The following BICRA variants were observed in gnomAD, a reference collection of about 807,000 sequenced individuals.
BICRA encodes BRD4-interacting chromatin-remodeling complex-associated protein.
A neutral mutation model predicts 96.9 loss-of-function variants in BICRA; 31 were observed. The ratio of observed to expected loss-of-function variants is 0.32; its 90% CI spans 0.24 to 0.43. The LOEUF is 0.43. Among genes scored for constraint, BICRA ranks in the 20% least tolerant of loss-of-function variants. The pLI is 1.00. For missense variants in BICRA, 2,283 were observed against 2,190.3 expected, an observed-to-expected ratio of 1.04 and a Z score of -0.84; for synonymous variants, 1,350 against 1,071.8, an observed-to-expected ratio of 1.26 and a Z score of -5.07.
intron 1 of BICRA, among the ~76,000 whole-genome samples, chr19:47,667,499 C>T (rs1599835942): frequency 6.6e-6 from 1 of 152,130 alleles, no homozygotes. Flanking sequence ...GCTTGGGCCA[C>T]GCCTACCAGA....
chr19:47,634,687 C>T (rs532686890), intron 1 of BICRA, among the ~76,000 whole-genome samples: 3 of 152,120 alleles, frequency 2.0e-5, no homozygotes, highest in East Asian at 1.9e-4. Context: ...ATGGCAGCTC[C>T]GAGCTCCCAC....
At chr19:47,624,992 C>CTTTTTTTTTT (rs35273886) in intron 1 of BICRA, among the ~76,000 whole-genome samples, 1 of 57,910 alleles carries the variant, frequency 1.7e-5, no homozygotes. Flanking sequence ...CTGCACCTGG[C>CTTTTTTTTTT]TTTTTTTTTT....
chr19:47,689,175 G>A (rs1222450908), intron 7 of BICRA, among the ~76,000 whole-genome samples: 1 of 151,890 alleles, frequency 6.6e-6, no homozygotes, highest in African/African-American at 2.4e-5. Flanking sequence ...TAATATTTTG[G>A]TATGAAGTTT....
At chr19:47,659,682 GCATACACA>G (rs1972673841) in intron 1 of BICRA, among the ~76,000 whole-genome samples, 1 of 111,088 alleles carries the variant, frequency 9.0e-6, no homozygotes, top group Non-Finnish European at 1.9e-5. Context: ...ACATGGTGGT[GCATACACA>G]CACACACACA....
chr19:47,694,204 G>GGCCAGCCC lies in BICRA; in HGVS notation c.2373_2374insGCCAGCCC (p.Pro792AlafsTer53). Reference sequence around the variant, plus strand: ...CCCCTCTGGGGGACAGCCCCCACCTGCCCTCCCCACACCCCACCCGGCCCC... The same window carrying GGCCAGCCC: ...CCCCTCTGGGGGACAGCCCCCACCTGGCCAGCCCCCCTCCCCACACCCCACCCGGCCCC... On this transcript the variant is annotated frameshift_variant, in exon 8 of 15. Transcript: ENST00000594866. LOFTEE classifies it high-confidence loss of function. 1 of 1,119,702 alleles carries GGCCAGCCC rather than the reference G, an allele frequency of 8.9e-7. No individual in the cohort carries two copies. Among genetic ancestry groups the GGCCAGCCC allele is most frequent in the Non-Finnish European group, 1.1e-6 (1 of 884,586 alleles). 69.4% of individuals were successfully genotyped at this position (1,119,702 alleles called of 1,614,324 possible). A position where few individuals can be genotyped will look rare whatever the true frequency, so the allele number is the denominator to read the frequency against.
chr19:47,611,032 C>G (rs987966481), intron 1 of BICRA, among the ~76,000 whole-genome samples: 1 of 152,134 alleles, frequency 6.6e-6, no homozygotes, highest in Non-Finnish European at 1.5e-5. Context: ...GAAATAGAGA[C>G]GGGACAGACA....
Position 47,675,731 on chromosome 19 carries a change from A to G in BICRA, c.85-120A>G, listed in dbSNP as rs1165269295. On this transcript the variant is annotated intron_variant, in intron 4 of 14. Transcript: ENST00000594866. The surrounding 1 kb of genome is among the most constrained non-coding windows in gnomAD (Gnocchi z 4.7). ...GGAGGCGAGAGTTTCCCATACCCCC[A>G]GCCCTCTCCCATCCCAACCCTTGTC... 1.3e-6 allele frequency: 1 copy of G among 778,298 alleles called. No homozygotes were observed. The highest frequency in any genetic ancestry group is 1.7e-5 in the African/African-American group (1 of 58,292). The allele number at this position is 778,298 out of a possible 1,614,324, so 48.2% of individuals were successfully genotyped here.
chr19:47,662,726 C>G (rs1384675096), intron 1 of BICRA: 2 of 152,290 alleles, frequency 1.3e-5, no homozygotes, highest in Non-Finnish European at 2.9e-5. Context: ...CAAAGCAAGT[C>G]AAGAAGCCAG....
In BICRA at chr19:47,695,092, G is replaced by A. The variant is rs1599866344; in HGVS notation, c.3076+12G>A. 1 of 1,482,278 alleles carries A rather than the reference G, an allele frequency of 6.7e-7. No individual in the cohort carries two copies. The highest frequency in any genetic ancestry group is 8.9e-7 in the Non-Finnish European group (1 of 1,121,716). 91.8% of individuals were successfully genotyped at this position (1,482,278 alleles called of 1,614,324 possible). A position where few individuals can be genotyped will look rare whatever the true frequency, so the allele number is the denominator to read the frequency against. On this transcript the variant is annotated intron_variant, in intron 9 of 14. Transcript: ENST00000594866. ...CATGGCCGCCACAGGTAGGAGAGAGGTCGCCTATGTGCCCAGGGAGACGGG... is the reference window on the plus strand; with the variant it reads ...CATGGCCGCCACAGGTAGGAGAGAGATCGCCTATGTGCCCAGGGAGACGGG...
At chr19:47,667,803 A>G (rs1251542246) in intron 1 of BICRA, among the ~76,000 whole-genome samples, 2 of 151,946 alleles carry the variant, frequency 1.3e-5, no homozygotes, top group Non-Finnish European at 2.9e-5. Flanking sequence ...CACCCCCATC[A>G]CCCAGCCTCG....
Position 47,658,332 on chromosome 19 carries a change from C to G in BICRA, c.-107-12111C>G, listed in dbSNP as rs549908980. On this transcript the variant is annotated intron_variant, in intron 1 of 14. Transcript: ENST00000594866. ...ACTTGGTCAGGGGCCTGGACCTTGA[C>G]CAGGAACTGGTGGCTTGTGTTTGAT... is the stretch of plus-strand genomic sequence containing the variant. Among the ~76,000 whole-genome samples the G allele has an allele frequency of 1.1e-3, 164 of 152,128 alleles. No individual in the cohort carries two copies. In the Middle Eastern group the frequency reaches 0.014, roughly 13 times the overall value.
rs1179843844 is a variant in BICRA, at chr19:47,680,589, A to G, written c.1419A>G (p.Leu473=). ...TGCTGCCGGGCCAGAACCAGTTCCTACTGCCTGGCGCCCCGGCGGTCCAGC... is the reference window on the plus strand; with the variant it reads ...TGCTGCCGGGCCAGAACCAGTTCCTGCTGCCTGGCGCCCCGGCGGTCCAGC... ...QHMLPGQNQF[L]LPGAPAVQLP... The change falls in exon 6 of 15, where the codon CTA becomes CTG. Residue 473 remains leucine, a synonymous_variant. Coordinates refer to ENST00000594866, the MANE Select transcript of BICRA (RefSeq NM_001394372.1). 6.2e-7 allele frequency: 1 copy of G among 1,607,790 alleles called. No individual in the cohort carries two copies. The highest frequency in any genetic ancestry group is 8.5e-7 in the Non-Finnish European group (1 of 1,178,080).
At chr19:47,618,237 C>T (rs1224699665) in intron 1 of BICRA, among the ~76,000 whole-genome samples, 1 of 152,008 alleles carries the variant, frequency 6.6e-6, no homozygotes, top group Non-Finnish European at 1.5e-5. Context: ...GGATGGACCC[C>T]TAGGATGACC....
intron 7 of BICRA, among the ~76,000 whole-genome samples, chr19:47,683,671 G>A (rs1421716627): frequency 6.6e-6 from 1 of 151,000 alleles, no homozygotes; most frequent in Non-Finnish European, 1.5e-5. Context: ...TGCAAGCTCC[G>A]CCTCTCGGGT....
In BICRA at chr19:47,695,033, C is replaced by A; in HGVS notation, c.3029C>A (p.Pro1010His). 1 of 1,503,566 alleles carries A rather than the reference C, an allele frequency of 6.7e-7. No homozygotes were observed. Among genetic ancestry groups the A allele is most frequent in the Non-Finnish European group, 8.8e-7 (1 of 1,136,970 alleles). The allele number at this position is 1,503,566 out of a possible 1,614,324, so 93.1% of individuals were successfully genotyped here. A position where few individuals can be genotyped will look rare whatever the true frequency, so the allele number is the denominator to read the frequency against. ...AGTGGGCAGGCCCCATCTGGGACCCCCACTGCCCCCAGCCACGCCCCCGCC... is the reference window on the plus strand; with the variant it reads ...AGTGGGCAGGCCCCATCTGGGACCCACACTGCCCCCAGCCACGCCCCCGCC... ...LVSGQAPSGT[P>H]TAPSHAPAPA... is the part of the protein sequence containing the mutation. The change falls in exon 9 of 15, where the codon CCC becomes CAC. Residue 1010 changes from proline (P) to histidine (H), a missense_variant. Transcript: ENST00000594866.
chr19:47,670,682 T>G (rs1599839055), intron 2 of BICRA, 138 bp downstream of exon 2: 1 of 152,418 alleles, frequency 6.6e-6, no homozygotes, highest in Non-Finnish European at 1.5e-5. Flanking sequence ...TCTCTGGTTC[T>G]TTCTTCTCCC....
intron 6 of BICRA, 94 bp from the exon 7 acceptor site, chr19:47,681,882 C>T (rs1425960316): frequency 2.3e-6 from 2 of 883,262 alleles, no homozygotes; most frequent in South Asian, 1.7e-5. Flanking sequence ...TTCTCTGGAA[C>T]CCTGGGAGCG....
At chr19:47,636,235 G>C (rs889164115) in intron 1 of BICRA, among the ~76,000 whole-genome samples, 1 of 152,106 alleles carries the variant, frequency 6.6e-6, no homozygotes, top group African/African-American at 2.4e-5. Context: ...GAGACAGAGC[G>C]TTGCTCTGTT....
At chr19:47,685,165 G>A (rs1308572637) in intron 7 of BICRA, among the ~76,000 whole-genome samples, 1 of 151,182 alleles carries the variant, frequency 6.6e-6, no homozygotes, top group African/African-American at 2.4e-5. Flanking sequence ...TTTGTTTTGT[G>A]GGGGAGATAT....
Sources: allele counts gnomAD v4.1 joint callset (sites outside exome capture counted in the v4.1 genomes callset), GRCh38; gene constraint gnomAD v4.1.1; non-coding constraint Gnocchi (gnomAD v3.1); transcripts MANE v1.5; gene names NCBI Gene and HGNC (gene_info 2026-07-23, HGNC 2026-07-21).